Variants in EFCAB6 observed in about 807,000 individuals in gnomAD.
EFCAB6 encodes EF-hand calcium-binding domain-containing protein 6.
EFCAB6 carries 156 observed loss-of-function variants against 169.8 expected under a neutral mutation model. The ratio of observed to expected loss-of-function variants is 0.92; its 90% confidence interval spans 0.81 to 1.05. The LOEUF is 1.05. Among genes scored for constraint, EFCAB6 ranks in the 50% least tolerant of loss-of-function variants. EFCAB6 has a pLI of 0.00. For missense variants in EFCAB6, 1,800 were observed against 1,829.1 expected (o/e 0.98, Z 0.29); for synonymous variants, 698 against 676.4 (o/e 1.03, Z -0.50).
At chr22:43,800,891 G>A (rs1021587644) in intron 2 of EFCAB6, among the ~76,000 whole-genome samples, 1 of 152,150 alleles carries the variant, frequency 6.6e-6, no homozygotes, top group African/African-American at 2.4e-5. Flanking sequence ...CAAGGGAATT[G>A]AGCAAGAGCA....
intron 12 of EFCAB6, among the ~76,000 whole-genome samples, chr22:43,681,043 C>G (rs568306829): frequency 1.3e-5 from 2 of 152,320 alleles, no homozygotes; most frequent in East Asian, 3.9e-4. Flanking sequence ...TGTCCCTGAT[C>G]TTAGGAGGAA....
intron 17 of EFCAB6, among the ~76,000 whole-genome samples, chr22:43,654,129 C>G (rs1158900194): frequency 1.3e-5 from 2 of 151,956 alleles, no homozygotes; most frequent in Admixed American, 1.3e-4. Flanking sequence ...GGATCTTATA[C>G]CTATTTAAAG....
intron 20 of EFCAB6, among the ~76,000 whole-genome samples, chr22:43,623,052 G>T (rs138456800): frequency 1.3e-5 from 2 of 152,194 alleles, no homozygotes; most frequent in African/African-American, 4.8e-5. Flanking sequence ...GAAGAGGAAG[G>T]CATAGAGACA....
chr22:43,639,004 C>T (rs908489470), intron 17 of EFCAB6, among the ~76,000 whole-genome samples: 4 of 151,956 alleles, frequency 2.6e-5, no homozygotes, highest in African/African-American at 4.8e-5. Flanking sequence ...AGGCTGGTCT[C>T]GAACTCCTGA....
chr22:43,555,451 C>T (rs1448462266), intron 26 of EFCAB6, among the ~76,000 whole-genome samples: 4 of 152,218 alleles, frequency 2.6e-5, no homozygotes, highest in South Asian at 2.1e-4. Flanking sequence ...AAACACAGTG[C>T]GAGCCTTCCC....
intron 31 of EFCAB6, among the ~76,000 whole-genome samples, chr22:43,530,098 G>A (rs1318801426): frequency 6.6e-6 from 1 of 152,154 alleles, no homozygotes; most frequent in Non-Finnish European, 1.5e-5. Flanking sequence ...CCTCAATTAC[G>A]CCATCTGATC....
At chr22:43,544,966 CA>C (rs2047964035) in intron 27 of EFCAB6, among the ~76,000 whole-genome samples, 1 of 137,064 alleles carries the variant, frequency 7.3e-6, no homozygotes, top group African/African-American at 2.7e-5. Context: ...ACTAAAAATA[CA>C]GAAAAAATAA....
chr22:43,774,596 G>A (rs1462812287), intron 3 of EFCAB6, among the ~76,000 whole-genome samples: 1 of 151,830 alleles, frequency 6.6e-6, no homozygotes, highest in African/African-American at 2.4e-5. Context: ...TAACTGGGAT[G>A]CGGCGGTCCA....
intron 8 of EFCAB6, among the ~76,000 whole-genome samples, chr22:43,717,593 C>T (rs1318410492): frequency 6.6e-6 from 1 of 152,086 alleles, no homozygotes; most frequent in African/African-American, 2.4e-5. Context: ...GTATGGACTA[C>T]TCAAGCTCAT....
intron 27 of EFCAB6, chr22:43,554,650 C>T (rs2048588571): frequency 3.6e-6 from 2 of 559,460 alleles, no homozygotes; most frequent in East Asian, 3.0e-5. Context: ...TTAAAGGCAA[C>T]AGTGACAGTA....
At chr22:43,788,798 T>G (rs1053460539) in intron 2 of EFCAB6, among the ~76,000 whole-genome samples, 1 of 152,218 alleles carries the variant, frequency 6.6e-6, no homozygotes, top group Non-Finnish European at 1.5e-5. Context: ...CATAGCAGCA[T>G]TATTCACAAT....
intron 22 of EFCAB6, among the ~76,000 whole-genome samples, chr22:43,603,609 C>G (rs2052693298): frequency 6.6e-6 from 1 of 152,270 alleles, no homozygotes; most frequent in South Asian, 2.1e-4. Flanking sequence ...AGTTTAGGCA[C>G]TTAATTCCCA....
chr22:43,603,156 T>C (rs1203110261), intron 22 of EFCAB6, among the ~76,000 whole-genome samples: 1 of 152,158 alleles, frequency 6.6e-6, no homozygotes, highest in Admixed American at 6.5e-5. Context: ...ATCATGACAC[T>C]TGAACTGAAT....
chr22:43,712,515 T>C (rs2059196318), intron 9 of EFCAB6, among the ~76,000 whole-genome samples: 1 of 152,228 alleles, frequency 6.6e-6, no homozygotes, highest in Non-Finnish European at 1.5e-5. Flanking sequence ...AATATTGGTA[T>C]CTAAAGGGAA....
chr22:43,533,690 G>A (rs1182284438), intron 30 of EFCAB6, among the ~76,000 whole-genome samples: 2 of 152,130 alleles, frequency 1.3e-5, no homozygotes, highest in African/African-American at 4.8e-5. Context: ...TGCCCCCTTC[G>A]ACAGACCCTG....
At chr22:43,747,782 C>G (rs1008967023) in intron 6 of EFCAB6, among the ~76,000 whole-genome samples, 4 of 152,126 alleles carry the variant, frequency 2.6e-5, no homozygotes, top group Admixed American at 2.6e-4. Context: ...TGGTTCAAAC[C>G]AATCACCCTC....
intron 6 of EFCAB6, among the ~76,000 whole-genome samples, chr22:43,739,457 T>C (rs566338389): frequency 1.3e-5 from 2 of 152,218 alleles, no homozygotes; most frequent in East Asian, 3.9e-4. Flanking sequence ...TCTCTGCTTC[T>C]CTGACCACAC....
intron 2 of EFCAB6, among the ~76,000 whole-genome samples, chr22:43,799,586 A>G (rs2062630906): frequency 1.3e-5 from 2 of 152,240 alleles, no homozygotes; most frequent in South Asian, 4.1e-4. Flanking sequence ...ACAGGAACAC[A>G]GTACTAATTT....
At chr22:43,756,596 A>G (rs891492540) in intron 5 of EFCAB6, among the ~76,000 whole-genome samples, 1 of 152,174 alleles carries the variant, frequency 6.6e-6, no homozygotes, top group Non-Finnish European at 1.5e-5. Flanking sequence ...CATGCCTCCT[A>G]CCTGCCAGGT....
Sources: gnomAD v4.1 joint callset for allele counts (sites outside exome capture counted in the v4.1 genomes callset) on GRCh38, gnomAD v4.1.1 for gene constraint, MANE v1.5 for transcripts, NCBI Gene and HGNC (gene_info 2026-07-23, HGNC 2026-07-21) for gene names.